DYM: variants seen among roughly 807,000 people sequenced by gnomAD.
DYM encodes dymeclin, also known as dyggve-Melchior-Clausen syndrome protein.
DYM carries 78 observed loss-of-function variants against 93.1 expected under a neutral mutation model. That is an observed-to-expected ratio of 0.84 (90% CI 0.70 to 1.01). The LOEUF (loss-of-function observed/expected upper bound fraction) is 1.01. Among genes scored for constraint, DYM ranks in the 50% least tolerant of loss-of-function variants. The pLI is 0.00. For synonymous variants in DYM, 321 were observed against 319.7 expected, an observed-to-expected ratio of 1.00 and a Z score of -0.04; for missense variants, 789 against 845.0, an observed-to-expected ratio of 0.93 and a Z score of 0.82.
In DYM at chr18:49,040,418, C is replaced by T. The variant is rs537915086; in HGVS notation, c.*3637G>A. ...TGAGTGGGAACTCTGAATAGCTATA[C>T]GCTAATGAGATTAAATTTTATGCTT... is the stretch of plus-strand genomic sequence containing the variant. On this transcript the variant is annotated 3_prime_UTR_variant, in exon 18 of 18. Transcript: ENST00000675505. Among the ~76,000 whole-genome samples the T allele has an allele frequency of 5.3e-5, 8 of 152,120 alleles. No individual in the cohort carries two copies. Among genetic ancestry groups the T allele is most frequent in the African/African-American group, 7.2e-5 (3 of 41,408 alleles).
At chr18:49,280,370 T>C (rs1365368141) in intron 10 of DYM, among the ~76,000 whole-genome samples, 1 of 152,196 alleles carries the variant, frequency 6.6e-6, no homozygotes, top group African/African-American at 2.4e-5. Flanking sequence ...AGCCTAAGCC[T>C]GCCAGAGTGG....
At chr18:49,127,299 C>G (rs2082917442) in intron 15 of DYM, among the ~76,000 whole-genome samples, 1 of 152,124 alleles carries the variant, frequency 6.6e-6, no homozygotes, top group African/African-American at 2.4e-5. Context: ...AATGAAAGCT[C>G]AACAAATTCT....
At chr18:49,208,174 C>A (rs1306732330) in intron 14 of DYM, among the ~76,000 whole-genome samples, 4 of 128,604 alleles carry the variant, frequency 3.1e-5, no homozygotes, top group African/African-American at 1.3e-4. Context: ...CAGAGCAAGA[C>A]TCCATCTCAA....
chr18:49,148,036 T>C (rs376413199), intron 15 of DYM, among the ~76,000 whole-genome samples: 5 of 152,152 alleles, frequency 3.3e-5, no homozygotes, highest in East Asian at 1.9e-4. Flanking sequence ...AGTTCATGTC[T>C]TTTGTAGGGA....
At chr18:49,085,742 GGATTATAGGCACCTGCCA>G (rs1265825423) in intron 17 of DYM, among the ~76,000 whole-genome samples, 1 of 150,960 alleles carries the variant, frequency 6.6e-6, no homozygotes, top group Non-Finnish European at 1.5e-5. Flanking sequence ...CAAGTAGCTG[GGATTATAGGCACCTGCCA>G]CCGCGCCTGG....
chr18:49,062,102 T>C (rs2076028242), intron 17 of DYM, among the ~76,000 whole-genome samples: 1 of 152,202 alleles, frequency 6.6e-6, no homozygotes, highest in African/African-American at 2.4e-5. Context: ...TAGCCCAGAT[T>C]AAGCAAGCTG....
intron 6 of DYM, among the ~76,000 whole-genome samples, chr18:49,357,802 G>C (rs2065692848): frequency 6.6e-6 from 1 of 152,132 alleles, no homozygotes; most frequent in Non-Finnish European, 1.5e-5. Context: ...GTTTTATTGG[G>C]AAAATATGAG....
chr18:49,351,939 T>C (rs2065151046), intron 6 of DYM, among the ~76,000 whole-genome samples: 1 of 152,178 alleles, frequency 6.6e-6, no homozygotes, highest in Non-Finnish European at 1.5e-5. Flanking sequence ...GTGATAGCCC[T>C]AGAAAGCAAC....
intron 6 of DYM, among the ~76,000 whole-genome samples, chr18:49,342,860 A>G (rs1182762660): frequency 6.6e-6 from 1 of 152,228 alleles, no homozygotes; most frequent in Non-Finnish European, 1.5e-5. Flanking sequence ...GTAGCAGGCT[A>G]TAACATCTAG....
At chr18:49,120,828 T>C (rs1033041594) in intron 15 of DYM, among the ~76,000 whole-genome samples, 5 of 152,178 alleles carry the variant, frequency 3.3e-5, no homozygotes, top group African/African-American at 1.2e-4. Flanking sequence ...CTTAATTTTT[T>C]TTTGACTCAG....
At chr18:49,116,645 G>A (rs2081951710) in intron 16 of DYM, among the ~76,000 whole-genome samples, 1 of 152,172 alleles carries the variant, frequency 6.6e-6, no homozygotes, top group African/African-American at 2.4e-5. Context: ...GATGACAGCA[G>A]GGATGGCATT....
intron 13 of DYM, among the ~76,000 whole-genome samples, chr18:49,220,648 A>G (rs2093312697): frequency 6.6e-6 from 1 of 152,214 alleles, no homozygotes; most frequent in Admixed American, 6.5e-5. Flanking sequence ...AAAACAATCA[A>G]TGGGGAAAGG....
intron 17 of DYM, among the ~76,000 whole-genome samples, chr18:49,089,717 AG>A (rs568123619): frequency 0.014 from 2,065 of 152,360 alleles, 23 homozygotes; most frequent in Non-Finnish European, 0.023. Context: ...GCATATGAAA[AG>A]AGTGCTCCAG....
chr18:49,141,333 T>C (rs1276685663), intron 15 of DYM, among the ~76,000 whole-genome samples: 1 of 152,202 alleles, frequency 6.6e-6, no homozygotes, highest in Non-Finnish European at 1.5e-5. Context: ...GCCAGGTTAC[T>C]CTAGTGCCCA....
intron 1 of DYM, chr18:49,432,064 A>G (rs2080364194): frequency 6.6e-6 from 1 of 152,248 alleles, no homozygotes; most frequent in Non-Finnish European, 1.5e-5. Flanking sequence ...GCCCAATTAG[A>G]AAATGCTATA....
At chr18:49,289,962 A>T (rs1457811147) in intron 8 of DYM, among the ~76,000 whole-genome samples, 5 of 151,718 alleles carry the variant, frequency 3.3e-5, no homozygotes, top group Admixed American at 3.3e-4. Context: ...GTAAAGGTAT[A>T]GGAAATTATC....
At chr18:49,441,203 ATT>A (rs1430202389) in intron 1 of DYM, among the ~76,000 whole-genome samples, 2 of 37,776 alleles carry the variant, frequency 5.3e-5, no homozygotes, top group East Asian at 2.1e-3. Flanking sequence ...TATATTATAT[ATT>A]ATATATATTA....
chr18:49,458,635 G>C (rs988583263), intron 1 of DYM, among the ~76,000 whole-genome samples: 2 of 152,044 alleles, frequency 1.3e-5, no homozygotes, highest in African/African-American at 4.8e-5. Context: ...TCAGGAGTTC[G>C]TGACCAGCCT....
intron 8 of DYM, among the ~76,000 whole-genome samples, chr18:49,296,563 G>A (rs557618065): frequency 2.6e-5 from 4 of 152,066 alleles, no homozygotes; most frequent in South Asian, 2.1e-4. Context: ...GTTTGTCGGG[G>A]GGAATAAGAA....
Sources: gnomAD v4.1 joint callset for allele counts (sites outside exome capture counted in the v4.1 genomes callset) on GRCh38, gnomAD v4.1.1 for gene constraint, MANE v1.5 for transcripts, NCBI Gene and HGNC (gene_info 2026-07-23, HGNC 2026-07-21) for gene names.